Variants in LRRC36 observed in about 807,000 individuals in gnomAD.
LRRC36 encodes leucine rich repeat containing 36.
Under a neutral mutation model 81.1 loss-of-function variants are expected in LRRC36, and 62 were observed. That is an observed-to-expected ratio of 0.76 (90% CI 0.62 to 0.94). LRRC36 has a LOEUF of 0.94. LRRC36 is among the 40% of genes least tolerant of loss of function. The probability of loss-of-function intolerance (pLI) is 0.00; values close to 1 mark genes in which losing one functional copy is unlikely to be tolerated. For synonymous variants in LRRC36, 334 were observed against 348.6 expected, an observed-to-expected ratio of 0.96 and a Z score of 0.47; for missense variants, 761 against 881.7, an observed-to-expected ratio of 0.86 and a Z score of 1.73.
chr16:67,326,855 G>T lies in LRRC36; in HGVS notation c.-8G>T. ...TCGCGGGCGGTGGCAGGTGAGCGGC[G>T]GGCGGGGATGGCGGAGCAATGGGAG... is the stretch of plus-strand genomic sequence containing the variant. On this transcript the variant is annotated 5_prime_UTR_variant, in exon 1 of 14. Coordinates refer to ENST00000329956, the MANE Select transcript of LRRC36 (RefSeq NM_018296.6). The T allele has an allele frequency of 2.8e-6, 4 of 1,430,816 alleles. No individual in the cohort carries two copies. The highest frequency in any genetic ancestry group is 2.7e-6 in the Non-Finnish European group (3 of 1,101,746). 88.6% of individuals were successfully genotyped at this position (1,430,816 alleles called of 1,614,324 possible). A position where few individuals can be genotyped will look rare whatever the true frequency, so the allele number is the denominator to read the frequency against.
Position 67,376,132 on chromosome 16 carries a change from ACCCTGT to A in LRRC36, c.1661-590_1661-585del, listed in dbSNP as rs373834086. 7.0e-4 allele frequency among the ~76,000 whole-genome samples: 106 copies of A among 152,246 alleles called. 1 individual carries two copies. Among genetic ancestry groups the A allele is most frequent in the African/African-American group, 2.4e-3 (99 of 41,546 alleles). Reference sequence around the variant, plus strand: ...ACACCAGCCTGGCCAACATGGTGAAACCCTGTCCCTACTAAAAATACACAAATTAGC... The same window carrying A: ...ACACCAGCCTGGCCAACATGGTGAAACCCTACTAAAAATACACAAATTAGC... On this transcript the variant is annotated intron_variant, in intron 10 of 13. Coordinates refer to ENST00000329956, the MANE Select transcript of LRRC36 (RefSeq NM_018296.6).
chr16:67,329,506 T>C (rs1020024817), intron 1 of LRRC36, among the ~76,000 whole-genome samples: 1 of 151,474 alleles, frequency 6.6e-6, no homozygotes, highest in African/African-American at 2.4e-5. Context: ...CTAGCCAGGC[T>C]AGTCTTGAAC....
intron 2 of LRRC36, among the ~76,000 whole-genome samples, 179 bp from the exon 3 acceptor site, chr16:67,346,077 T>C (rs541642099): frequency 6.6e-6 from 1 of 152,324 alleles, no homozygotes; most frequent in African/African-American, 2.4e-5. Context: ...CACCCAGTGC[T>C]CATGGACTGC....
chr16:67,327,629 G>A (rs2037256059), intron 1 of LRRC36, among the ~76,000 whole-genome samples: 1 of 152,150 alleles, frequency 6.6e-6, no homozygotes, highest in African/African-American at 2.4e-5. Flanking sequence ...GAAAATTTTG[G>A]AGACATTAGC....
chr16:67,358,496 T>TG (rs1463215787), intron 5 of LRRC36, among the ~76,000 whole-genome samples: 2 of 144,588 alleles, frequency 1.4e-5, no homozygotes, highest in Non-Finnish European at 3.1e-5. Flanking sequence ...CGCCACTAAT[T>TG]TTTTTTTTTT....
At chr16:67,339,356 A>G (rs912965942) in intron 1 of LRRC36, among the ~76,000 whole-genome samples, 3 of 151,848 alleles carry the variant, frequency 2.0e-5, no homozygotes, top group Non-Finnish European at 2.9e-5. Flanking sequence ...TACATGTCTC[A>G]GGGACCTCCA....
Position 67,382,343 on chromosome 16 carries a change from C to T in LRRC36, c.2045+96C>T, listed in dbSNP as rs1159148414. On this transcript the variant is annotated intron_variant, in intron 13 of 13. Coordinates refer to ENST00000329956, the MANE Select transcript of LRRC36 (RefSeq NM_018296.6). ...GGAAAGTTAATATCTATGCACTTTG[C>T]AAGTGAACTCCATTCTGTGTGTAAA... 5.1e-6 allele frequency: 4 copies of T among 785,982 alleles called. No individual in the cohort carries two copies. In the African/African-American group the frequency reaches 7.0e-5, roughly 14 times the overall value. 48.7% of individuals were successfully genotyped at this position (785,982 alleles called of 1,614,324 possible).
At chr16:67,330,321 G>A (rs1355541222) in intron 1 of LRRC36, among the ~76,000 whole-genome samples, 1 of 152,090 alleles carries the variant, frequency 6.6e-6, no homozygotes, top group Non-Finnish European at 1.5e-5. Flanking sequence ...TTGCAAAATG[G>A]TAATTGTCTA....
At position 67,375,415 on chromosome 16, in the gene LRRC36, G is replaced by A. The variant is rs971369574; in HGVS notation, c.1660+3G>A. 3 of 1,574,204 alleles carry A rather than the reference G, an allele frequency of 1.9e-6. No individual in the cohort carries two copies. In the African/African-American group the frequency reaches 4.1e-5, roughly 22 times the overall value. ...CCTCCTCAACAAGAAGTTTCTCGGT[G>A]AGTGAATGCATTCTCTGTCCTTGGA... On this transcript the variant is annotated splice_donor_region_variant and intron_variant, in intron 10 of 13. Coordinates refer to ENST00000329956, the MANE Select transcript of LRRC36 (RefSeq NM_018296.6).
chr16:67,342,850 C>T (rs2038159387), intron 2 of LRRC36, among the ~76,000 whole-genome samples: 2 of 152,168 alleles, frequency 1.3e-5, no homozygotes, highest in South Asian at 2.1e-4. Context: ...TACTGATCTT[C>T]TGGGTCATCT....
At chr16:67,339,398 A>G (rs1273583422) in intron 1 of LRRC36, among the ~76,000 whole-genome samples, 1 of 152,162 alleles carries the variant, frequency 6.6e-6, no homozygotes, top group Non-Finnish European at 1.5e-5. Context: ...GAGAGCTGCT[A>G]CATTGCTATG....
rs71145966 is a variant in LRRC36, at chr16:67,331,069, A to AAGAGAGAGAGAGAGAGAG, written c.70+4165_70+4182dup. On this transcript the variant is annotated intron_variant, in intron 1 of 13. Coordinates refer to ENST00000329956, the MANE Select transcript of LRRC36 (RefSeq NM_018296.6). ...GTGCATGTGTGAGATGTGAGAGAGA[A>AAGAGAGAGAGAGAGAGAG]AGAGAGAGAGAGAGAGAGAGAGAGA... Among the ~76,000 whole-genome samples, 230 of 118,628 alleles carry AAGAGAGAGAGAGAGAGAG rather than the reference A, an allele frequency of 1.9e-3. 6 individuals carry two copies. The highest frequency in any genetic ancestry group is 8.1e-3 in the African/African-American group (226 of 27,964). The allele number at this position is 118,628 out of a possible 152,430, so 77.8% of individuals were successfully genotyped here.
intron 1 of LRRC36, among the ~76,000 whole-genome samples, chr16:67,330,969 G>T (rs1416340050): frequency 1.3e-5 from 2 of 151,942 alleles, no homozygotes; most frequent in African/African-American, 4.8e-5. Context: ...TTGGCTCATG[G>T]TTCTGGAGGC....
At chr16:67,367,540 T>C (rs907280025) in intron 8 of LRRC36, 83 bp downstream of exon 8, 1 of 1,228,526 alleles carries the variant, frequency 8.1e-7, no homozygotes, top group African/African-American at 1.5e-5. Context: ...AATTAACCCT[T>C]CTGAAATTGT....
chr16:67,373,528 G>A (rs1481200078), intron 9 of LRRC36, among the ~76,000 whole-genome samples: 1 of 150,210 alleles, frequency 6.7e-6, no homozygotes, highest in African/African-American at 2.5e-5. Flanking sequence ...CCAACACGGT[G>A]AAACCCCATC....
chr16:67,366,952 G>A (rs2142107217), intron 7 of LRRC36, 65 bp from the exon 8 acceptor site: 1 of 1,263,506 alleles, frequency 7.9e-7, no homozygotes, highest in Non-Finnish European at 1.1e-6. Flanking sequence ...GTGAACAGAG[G>A]TACTCCCAGC....
At chr16:67,337,254 C>T (rs576382643) in intron 1 of LRRC36, among the ~76,000 whole-genome samples, 1 of 152,186 alleles carries the variant, frequency 6.6e-6, no homozygotes, top group East Asian at 1.9e-4. Flanking sequence ...TGGATATATA[C>T]CCAGAAGTGG....
At chr16:67,368,517 T>C (rs776779750) in intron 8 of LRRC36, among the ~76,000 whole-genome samples, 8 of 152,214 alleles carry the variant, frequency 5.3e-5, no homozygotes, top group Non-Finnish European at 1.0e-4. Context: ...GGCTGGAACA[T>C]ACTTTTCATG....
At chr16:67,384,382 C>T (rs1396399857) in intron 13 of LRRC36, among the ~76,000 whole-genome samples, 1 of 152,050 alleles carries the variant, frequency 6.6e-6, no homozygotes, top group Non-Finnish European at 1.5e-5. Context: ...TGCAGTGAGC[C>T]AAGATCCCAC....
Sources: allele counts gnomAD v4.1 joint callset (sites outside exome capture counted in the v4.1 genomes callset), GRCh38; gene constraint gnomAD v4.1.1; transcripts MANE v1.5; gene names NCBI Gene and HGNC (gene_info 2026-07-23, HGNC 2026-07-21).